The following NRP2 variants were observed in gnomAD, a reference collection of about 807,000 sequenced individuals.
The protein encoded by NRP2 is neuropilin 2, also known as neuropilin-2.
In NRP2, 52 loss-of-function variants were observed where a neutral mutation model predicts 110.4. The observed-to-expected ratio is 0.47, with a 90% CI of 0.38 to 0.59. The LOEUF (loss-of-function observed/expected upper bound fraction) is 0.59, where lower values mean the gene tolerates loss of function less well. Among genes scored for constraint, NRP2 ranks in the 20% least tolerant of loss-of-function variants. The probability of loss-of-function intolerance (pLI) is 0.00; values close to 1 mark genes in which losing one functional copy is unlikely to be tolerated. For missense variants in NRP2, 1,049 were observed against 1,203.0 expected (o/e 0.87, Z 1.89); for synonymous variants, 508 against 468.9 (o/e 1.08, Z -1.08).
At chr2:205,769,144 C>CA (rs1193597760) in intron 15 of NRP2, among the ~76,000 whole-genome samples, 2 of 152,092 alleles carry the variant, frequency 1.3e-5, no homozygotes, top group South Asian at 2.1e-4. Flanking sequence ...CCTTTTCACT[C>CA]AAAAAATGGA....
intron 15 of NRP2, among the ~76,000 whole-genome samples, chr2:205,784,551 A>C (rs1387691234): frequency 1.3e-5 from 2 of 152,094 alleles, no homozygotes; most frequent in African/African-American, 2.4e-5. Context: ...GCCTTGGCCA[A>C]CTGTGGCCTA....
chr2:205,693,932 G>A (rs1199669694), intron 1 of NRP2, among the ~76,000 whole-genome samples: 2 of 152,208 alleles, frequency 1.3e-5, no homozygotes, highest in Non-Finnish European at 2.9e-5. Context: ...TCAAGTTCAG[G>A]TTATCCAGTG....
intron 11 of NRP2, among the ~76,000 whole-genome samples, chr2:205,752,236 A>G (rs1177859597): frequency 6.6e-6 from 1 of 152,154 alleles, no homozygotes; most frequent in Non-Finnish European, 1.5e-5. Flanking sequence ...CAAATTTCCC[A>G]CCGGGCATAC....
At chr2:205,705,265 C>T (rs187092287) in intron 2 of NRP2, among the ~76,000 whole-genome samples, 351 of 151,332 alleles carry the variant, frequency 2.3e-3, no homozygotes, top group African/African-American at 7.8e-3. Context: ...TATGGGACAT[C>T]GTGCCTCACA....
At chr2:205,729,169 G>A (rs1472012566) in intron 7 of NRP2, among the ~76,000 whole-genome samples, 1 of 152,206 alleles carries the variant, frequency 6.6e-6, no homozygotes, top group Admixed American at 6.5e-5. Context: ...GAACTGTGAT[G>A]TTGGCAGTCT....
At position 205,725,910 on chromosome 2, in the gene NRP2, C is replaced by T. The variant is rs766538169; in HGVS notation, c.821-3C>T. Reference sequence around the variant, plus strand: ...ACTGCATTTGACCGTCTGCTTTCCCCAGACTTTCAGTGCAATGTTCCTCTG... The same window carrying T: ...ACTGCATTTGACCGTCTGCTTTCCCTAGACTTTCAGTGCAATGTTCCTCTG... On this transcript the variant is annotated splice_polypyrimidine_tract_variant and splice_region_variant and intron_variant, in intron 5 of 16. Transcript: ENST00000357785. This position sits in a 1 kb window ranked among gnomAD's most constrained non-coding sequence, Gnocchi z 4.1. 6 of 1,613,936 alleles carry T rather than the reference C, an allele frequency of 3.7e-6. No homozygotes were observed. The African/African-American group carries it at 5.3e-5, about 14-fold the overall frequency.
chr2:205,752,729 T>A lies in NRP2; in HGVS notation c.1904-106T>A, dbSNP rs1264359745. 5 of 1,215,356 alleles carry A rather than the reference T, an allele frequency of 4.1e-6. No individual in the cohort carries two copies. The Admixed American group carries it at 9.1e-5, about 22-fold the overall frequency. The allele number at this position is 1,215,356 out of a possible 1,614,324, so 75.3% of individuals were successfully genotyped here. On this transcript the variant is annotated intron_variant, in intron 11 of 16. Transcript: ENST00000357785. ...ATAAGCAAAGGAAGCCACTTCTTTC[T>A]CTGCTCTCCACTCAGGCCTTGCCAG... is the stretch of plus-strand genomic sequence containing the variant.
intron 1 of NRP2, among the ~76,000 whole-genome samples, chr2:205,693,639 G>A (rs1241201878): frequency 1.3e-5 from 2 of 152,192 alleles, no homozygotes; most frequent in South Asian, 4.1e-4. Context: ...CAAATTGAGT[G>A]AGTTAAGAGT....
chr2:205,709,985 T>C (rs1246556866), intron 2 of NRP2, among the ~76,000 whole-genome samples: 1 of 152,236 alleles, frequency 6.6e-6, no homozygotes, highest in African/African-American at 2.4e-5. Flanking sequence ...AATCATGGAT[T>C]CCAAATCCGC....
In NRP2 at chr2:205,786,898, C is replaced by T. The variant is rs111360917; in HGVS notation, c.2426-5337C>T. Among the ~76,000 whole-genome samples, 182 of 152,138 alleles carry T rather than the reference C, an allele frequency of 1.2e-3. 4 individuals are homozygous for T. Among genetic ancestry groups the T allele is most frequent in the African/African-American group, 4.3e-3 (178 of 41,510 alleles). On this transcript the variant is annotated intron_variant, in intron 15 of 16. Transcript: ENST00000357785. ...TTGTGGTCTTCTCTTTCTGTGCACA[C>T]CTTAAAACAAATGGTTTCAGGGAGT... is the stretch of plus-strand genomic sequence containing the variant.
chr2:205,785,899 C>T (rs2105965797), intron 15 of NRP2, among the ~76,000 whole-genome samples: 1 of 152,262 alleles, frequency 6.6e-6, no homozygotes. Flanking sequence ...ACACCAAGCC[C>T]CCTCCTTTTT....
chr2:205,712,013 G>T (rs942879078), intron 2 of NRP2, among the ~76,000 whole-genome samples: 3 of 152,184 alleles, frequency 2.0e-5, no homozygotes, highest in African/African-American at 7.2e-5. Flanking sequence ...CTCTCCCGTG[G>T]ACTCTTAAAA....
At chr2:205,779,073 G>A (rs1321767074) in intron 15 of NRP2, 2 of 152,200 alleles carry the variant, frequency 1.3e-5, no homozygotes, top group African/African-American at 4.8e-5. Context: ...GACTGGACAG[G>A]CGAATGCATG....
chr2:205,702,919 T>G (rs1175814719), intron 2 of NRP2, among the ~76,000 whole-genome samples: 2 of 152,242 alleles, frequency 1.3e-5, no homozygotes, highest in African/African-American at 4.8e-5. Flanking sequence ...TGCAGTTCCC[T>G]TTTATCACCC....
chr2:205,697,820 A>T (rs540078404), intron 2 of NRP2, 99 bp downstream of exon 2: 2 of 1,186,678 alleles, frequency 1.7e-6, no homozygotes, highest in Non-Finnish European at 2.5e-6. Flanking sequence ...TCACCCCAAG[A>T]CCTGCTGCTA....
intron 6 of NRP2, among the ~76,000 whole-genome samples, chr2:205,726,531 C>G (rs140266966): frequency 1.3e-5 from 2 of 152,224 alleles, no homozygotes; most frequent in Non-Finnish European, 2.9e-5. Flanking sequence ...AGGTTTTGCA[C>G]AGAGCTATCA....
At chr2:205,718,120 G>A (rs1055264348) in intron 3 of NRP2, among the ~76,000 whole-genome samples, 1 of 152,132 alleles carries the variant, frequency 6.6e-6, no homozygotes, top group Non-Finnish European at 1.5e-5. Context: ...AAGGAAAACA[G>A]CTCCAAGCAA....
intron 2 of NRP2, among the ~76,000 whole-genome samples, chr2:205,712,663 T>C (rs2056820801): frequency 6.6e-6 from 1 of 152,124 alleles, no homozygotes. Flanking sequence ...AGGAGGTAAA[T>C]GAGACATTCT....
At chr2:205,764,430 C>T (rs1024002691) in intron 13 of NRP2, 13 of 174,120 alleles carry the variant, frequency 7.5e-5, no homozygotes, top group African/African-American at 1.2e-4. Flanking sequence ...CTCTCTCTCA[C>T]CAGCTCCCGG....
Sources: gnomAD v4.1 joint callset for allele counts (sites outside exome capture counted in the v4.1 genomes callset) on GRCh38, gnomAD v4.1.1 for gene constraint, Gnocchi (gnomAD v3.1) non-coding constraint, MANE v1.5 for transcripts, NCBI Gene and HGNC (gene_info 2026-07-23, HGNC 2026-07-21) for gene names.